CFAP299: variants seen among roughly 807,000 people sequenced by gnomAD.
CFAP299 encodes cilia and flagella associated protein 299.
A neutral mutation model predicts 27.0 loss-of-function variants in CFAP299; 21 were observed. The observed-to-expected ratio is 0.78, with a 90% CI of 0.55 to 1.12. CFAP299 has a LOEUF of 1.12. CFAP299 is among the 50% of genes most tolerant of loss of function. The pLI, the probability that CFAP299 is intolerant of heterozygous loss-of-function variation, is 0.00. For missense variants in CFAP299, 310 were observed against 276.6 expected (o/e 1.12, Z -0.86); for synonymous variants, 104 against 98.1 (o/e 1.06, Z -0.36).
chr4:80,717,356 C>T (rs1326412011), intron 3 of CFAP299, among the ~76,000 whole-genome samples: 2 of 152,056 alleles, frequency 1.3e-5, no homozygotes, highest in African/African-American at 2.4e-5. Context: ...AGAACCAGAA[C>T]GTCTGGCAAT....
intron 4 of CFAP299, among the ~76,000 whole-genome samples, chr4:80,915,394 T>G (rs1438398837): frequency 6.6e-6 from 1 of 152,070 alleles, no homozygotes; most frequent in Admixed American, 6.6e-5. Context: ...TCCTTTTCTT[T>G]GTTTTTTAAG....
chr4:80,446,251 A>G (rs1382380012), intron 2 of CFAP299, among the ~76,000 whole-genome samples: 1 of 152,092 alleles, frequency 6.6e-6, no homozygotes, highest in Non-Finnish European at 1.5e-5. Context: ...TGTATAGGGG[A>G]GGGTCAGGGG....
chr4:80,400,572 A>G (rs1726099413), intron 2 of CFAP299, among the ~76,000 whole-genome samples: 1 of 152,086 alleles, frequency 6.6e-6, no homozygotes. Flanking sequence ...GCCATGTAAG[A>G]AGTGCCTTTC....
chr4:80,732,675 C>T (rs911577354), intron 3 of CFAP299, among the ~76,000 whole-genome samples: 3 of 152,116 alleles, frequency 2.0e-5, no homozygotes, highest in African/African-American at 7.2e-5. Context: ...TTTCCTGGGT[C>T]CTCCACACTA....
chr4:80,891,830 GAA>G (rs35425830), intron 4 of CFAP299, among the ~76,000 whole-genome samples: 3,641 of 53,986 alleles, frequency 0.067, 119 homozygotes, highest in South Asian at 0.22. Context: ...TAGATTAAAG[GAA>G]AAAAAAAAAA....
At chr4:80,441,428 A>G (rs968911771) in intron 2 of CFAP299, among the ~76,000 whole-genome samples, 2 of 152,208 alleles carry the variant, frequency 1.3e-5, no homozygotes, top group African/African-American at 4.8e-5. Flanking sequence ...AGAGTTTTCA[A>G]CCCAGAATTG....
In CFAP299 at chr4:80,610,478, G is replaced by C. The variant is rs181802466; in HGVS notation, c.333+27295G>C. On this transcript the variant is annotated intron_variant, in intron 3 of 5. Coordinates refer to ENST00000358105, the MANE Select transcript of CFAP299 (RefSeq NM_152770.3). ...CCATTCTATCTTCTGTCTTTCCTAGGTCACTGTCACATTCTTTCTCAGGTT... is the reference window on the plus strand; with the variant it reads ...CCATTCTATCTTCTGTCTTTCCTAGCTCACTGTCACATTCTTTCTCAGGTT... Among the ~76,000 whole-genome samples, 20 of 152,010 alleles carry C rather than the reference G, an allele frequency of 1.3e-4. No individual in the cohort carries two copies. The East Asian group carries it at 3.5e-3, about 26-fold the overall frequency.
chr4:80,364,357 A>G (rs1469562680), intron 2 of CFAP299, among the ~76,000 whole-genome samples: 1 of 151,798 alleles, frequency 6.6e-6, no homozygotes, highest in Non-Finnish European at 1.5e-5. Context: ...GAAGCTGTTC[A>G]TGTTTCTTTT....
chr4:80,659,368 G>A (rs1353150716), intron 3 of CFAP299, among the ~76,000 whole-genome samples: 1 of 151,740 alleles, frequency 6.6e-6, no homozygotes, highest in Non-Finnish European at 1.5e-5. Context: ...ACTACACACT[G>A]AGAGATGATA....
At chr4:80,879,030 G>T (rs1660786014) in intron 4 of CFAP299, among the ~76,000 whole-genome samples, 1 of 152,010 alleles carries the variant, frequency 6.6e-6, no homozygotes. Context: ...CATCTCTTAT[G>T]ATGACTGTAT....
At chr4:80,379,923 C>G (rs1724610395) in intron 2 of CFAP299, among the ~76,000 whole-genome samples, 1 of 151,964 alleles carries the variant, frequency 6.6e-6, no homozygotes, top group African/African-American at 2.4e-5. Flanking sequence ...AGCCAAGTTG[C>G]TTGATTGTGT....
At position 80,523,499 on chromosome 4, in the gene CFAP299, T is replaced by G. The variant is rs556721727; in HGVS notation, c.243-59594T>G. ...TAAGGGGTGCCTAGGTAACTGGGTG[T>G]GTCTGTGAGGATGTTTCCAGAAGAT... is the stretch of plus-strand genomic sequence containing the variant. On this transcript the variant is annotated intron_variant, in intron 2 of 5. Transcript: ENST00000358105. 6.0e-4 allele frequency among the ~76,000 whole-genome samples: 92 copies of G among 152,264 alleles called. 1 individual carries two copies. The highest frequency in any genetic ancestry group is 2.0e-3 in the African/African-American group (85 of 41,562).
intron 4 of CFAP299, among the ~76,000 whole-genome samples, chr4:80,913,111 C>T (rs1422351325): frequency 6.6e-6 from 1 of 152,122 alleles, no homozygotes; most frequent in African/African-American, 2.4e-5. Context: ...TTTTTCCTCC[C>T]TGCATCTAAG....
intron 3 of CFAP299, among the ~76,000 whole-genome samples, chr4:80,790,059 A>T (rs1727466602): frequency 6.6e-6 from 1 of 151,988 alleles, no homozygotes; most frequent in Non-Finnish European, 1.5e-5. Context: ...AAATCAAAAC[A>T]ATTTTTGCCT....
intron 4 of CFAP299, among the ~76,000 whole-genome samples, chr4:80,881,541 T>C (rs1011452765): frequency 6.7e-6 from 1 of 148,522 alleles, no homozygotes; most frequent in African/African-American, 2.4e-5. Flanking sequence ...AGCCTTACAG[T>C]GTGCTCCTTG....
intron 2 of CFAP299, among the ~76,000 whole-genome samples, chr4:80,499,424 T>A (rs1184027045): frequency 6.6e-6 from 1 of 152,160 alleles, no homozygotes; most frequent in Non-Finnish European, 1.5e-5. Flanking sequence ...TTACTTTTTA[T>A]AACACTGACA....
At chr4:80,749,452 T>A (rs1333679252) in intron 3 of CFAP299, among the ~76,000 whole-genome samples, 2 of 152,124 alleles carry the variant, frequency 1.3e-5, no homozygotes, top group African/African-American at 2.4e-5. Flanking sequence ...TGAAAGGAAG[T>A]TTATTTAGGA....
At chr4:80,671,690 C>G (rs934393016) in intron 3 of CFAP299, among the ~76,000 whole-genome samples, 1 of 152,052 alleles carries the variant, frequency 6.6e-6, no homozygotes, top group African/African-American at 2.4e-5. Flanking sequence ...GTTTGTAATT[C>G]TCCTTGAAGA....
intron 2 of CFAP299, among the ~76,000 whole-genome samples, chr4:80,376,508 T>G (rs1724416644): frequency 6.6e-6 from 1 of 152,252 alleles, no homozygotes; most frequent in South Asian, 2.1e-4. Context: ...GCAAAGTGTC[T>G]GTATCGTTTT....
Sources: gnomAD v4.1 joint callset for allele counts (sites outside exome capture counted in the v4.1 genomes callset) on GRCh38, gnomAD v4.1.1 for gene constraint, MANE v1.5 for transcripts, NCBI Gene and HGNC (gene_info 2026-07-23, HGNC 2026-07-21) for gene names.